Variants in PIGK observed in about 807,000 individuals in gnomAD.
The protein encoded by PIGK is phosphatidylinositol glycan anchor biosynthesis class K, also known as GPI-anchor transamidase.
In PIGK, 42 loss-of-function variants were observed where a neutral mutation model predicts 50.6. The observed-to-expected ratio is 0.83, with a 90% CI of 0.65 to 1.07. PIGK has a LOEUF of 1.07. PIGK is among the 50% of genes least tolerant of loss of function. PIGK has a pLI of 0.00. For synonymous variants in PIGK, 151 were observed against 156.0 expected, an observed-to-expected ratio of 0.97 and a Z score of 0.24; for missense variants, 448 against 488.7, an observed-to-expected ratio of 0.92 and a Z score of 0.78.
At chr1:77,095,864 A>G (rs911377692) in intron 10 of PIGK, among the ~76,000 whole-genome samples, 2 of 152,198 alleles carry the variant, frequency 1.3e-5, no homozygotes, top group Middle Eastern at 3.4e-3. Context: ...GAAGGCATTT[A>G]AACCTAAGTG....
At chr1:77,183,704 T>C (rs1655673039) in intron 3 of PIGK, among the ~76,000 whole-genome samples, 1 of 152,196 alleles carries the variant, frequency 6.6e-6, no homozygotes, top group Non-Finnish European at 1.5e-5. Flanking sequence ...CTGCATTTAA[T>C]GTTGCACCTC....
chr1:77,176,446 TATGTCTAAGTA>T (rs1208395973), intron 3 of PIGK, among the ~76,000 whole-genome samples: 1 of 152,194 alleles, frequency 6.6e-6, no homozygotes, highest in East Asian at 1.9e-4. Flanking sequence ...AAAATTCTAA[TATGTCTAAGTA>T]ATGCTATCAA....
intron 3 of PIGK, among the ~76,000 whole-genome samples, chr1:77,194,339 T>C (rs1655980188): frequency 6.6e-6 from 1 of 152,040 alleles, no homozygotes; most frequent in South Asian, 2.1e-4. Context: ...CAAAGGAATA[T>C]AAGTCATTCT....
intron 3 of PIGK, among the ~76,000 whole-genome samples, chr1:77,205,246 G>A (rs574117030): frequency 1.5e-4 from 23 of 152,012 alleles, no homozygotes; most frequent in South Asian, 6.2e-4. Context: ...CGCAAGAGCC[G>A]TTAAAGACCA....
At chr1:77,189,090 T>C (rs183076294) in intron 3 of PIGK, among the ~76,000 whole-genome samples, 61 of 152,378 alleles carry the variant, frequency 4.0e-4, no homozygotes, top group African/African-American at 1.5e-3. Flanking sequence ...TCCTTTTTCC[T>C]TTATCATATG....
intron 9 of PIGK, 35 bp downstream of exon 9, chr1:77,154,414 A>T: frequency 6.8e-7 from 1 of 1,467,792 alleles, no homozygotes. Context: ...CTGTGAGACT[A>T]GTATTCTATT....
intron 9 of PIGK, among the ~76,000 whole-genome samples, chr1:77,128,560 C>T (rs190018779): frequency 6.6e-4 from 100 of 152,254 alleles, no homozygotes; most frequent in African/African-American, 2.3e-3. Flanking sequence ...TTCACACAAC[C>T]AGCTAACCTG....
At chr1:77,154,305 T>C in intron 9 of PIGK, 144 bp downstream of exon 9, 1 of 607,888 alleles carries the variant, frequency 1.6e-6, no homozygotes, top group East Asian at 2.8e-5. Flanking sequence ...CTGAAAAGCA[T>C]ACAGCCTACA....
rs1317058220 is a variant in PIGK at position 77,089,950 on chromosome 1, G to C, written c.*2424C>G. On this transcript the variant is annotated 3_prime_UTR_variant, in exon 11 of 11. Coordinates refer to ENST00000370812, the MANE Select transcript of PIGK (RefSeq NM_005482.3). ...CCTTTTCTCTCTGAAGGACACCATG[G>C]GGGAGGAGAAAAAGAACAGCAAAGA... is the stretch of plus-strand genomic sequence containing the variant. The C allele has an allele frequency of 6.6e-6, 1 of 152,172 alleles. No homozygotes were observed. Among genetic ancestry groups the C allele is most frequent in the Admixed American group, 6.5e-5 (1 of 15,278 alleles). The allele number at this position is 152,172 out of a possible 1,614,324, so 9.4% of individuals were successfully genotyped here. A position where few individuals can be genotyped will look rare whatever the true frequency, so the allele number is the denominator to read the frequency against.
intron 10 of PIGK, among the ~76,000 whole-genome samples, chr1:77,121,943 T>C (rs889736859): frequency 3.3e-5 from 5 of 152,242 alleles, no homozygotes; most frequent in Non-Finnish European, 7.3e-5. Flanking sequence ...TTTTTGCAGC[T>C]CTTTTTCCTT....
chr1:77,101,475 TA>T (rs1224475138), intron 10 of PIGK, among the ~76,000 whole-genome samples: 4 of 152,230 alleles, frequency 2.6e-5, no homozygotes, highest in African/African-American at 4.8e-5. Flanking sequence ...TTGTGATACC[TA>T]TTTTTGAACC....
intron 1 of PIGK, among the ~76,000 whole-genome samples, chr1:77,213,220 A>G (rs1047341802): frequency 6.6e-6 from 1 of 152,158 alleles, no homozygotes; most frequent in African/African-American, 2.4e-5. Flanking sequence ...GAACTAACAG[A>G]CATTTACAGG....
At chr1:77,168,176 T>C (rs901913773) in intron 4 of PIGK, among the ~76,000 whole-genome samples, 4 of 152,180 alleles carry the variant, frequency 2.6e-5, no homozygotes, top group African/African-American at 9.6e-5. Context: ...TCTATCCCTC[T>C]GGGATTCTTT....
chr1:77,214,734 T>C (rs1438463881), intron 1 of PIGK, among the ~76,000 whole-genome samples: 2 of 152,116 alleles, frequency 1.3e-5, no homozygotes, highest in Admixed American at 6.6e-5. Context: ...AACAACATGA[T>C]CTTATATTTA....
chr1:77,194,828 A>C, intron 3 of PIGK: 1 of 374,080 alleles, frequency 2.7e-6, no homozygotes, highest in Non-Finnish European at 5.1e-6. Context: ...CTCAGTGACC[A>C]GGTCATCAAG....
At chr1:77,133,412 G>C (rs1654424986) in intron 9 of PIGK, among the ~76,000 whole-genome samples, 1 of 151,924 alleles carries the variant, frequency 6.6e-6, no homozygotes, top group Admixed American at 6.6e-5. Flanking sequence ...CTATTTTCTT[G>C]AACATCTTAA....
Position 77,160,749 on chromosome 1 carries a change from G to GA in PIGK, c.813+545dup, listed in dbSNP as rs553117353. Among the ~76,000 whole-genome samples the GA allele has an allele frequency of 4.6e-5, 7 of 152,118 alleles. No homozygotes were observed. In the East Asian group the frequency reaches 1.3e-3, roughly 29 times the overall value. ...AAAGAATCAGCACAAAAAAATTCAG[G>GA]AAAAAAATCTAAATTAAATTCAACA... is the stretch of plus-strand genomic sequence containing the variant. On this transcript the variant is annotated intron_variant, in intron 8 of 10. Transcript: ENST00000370812.
At chr1:77,188,537 CGGTCCTGT>C (rs369800925) in intron 3 of PIGK, among the ~76,000 whole-genome samples, 1 of 152,126 alleles carries the variant, frequency 6.6e-6, no homozygotes, top group African/African-American at 2.4e-5. Context: ...AATTTCACCT[CGGTCCTGT>C]GGTCCTGTGG....
chr1:77,201,865 T>C (rs1310226557), intron 3 of PIGK, among the ~76,000 whole-genome samples: 1 of 152,064 alleles, frequency 6.6e-6, no homozygotes, highest in Admixed American at 6.5e-5. Flanking sequence ...AAGAACAGCC[T>C]GGGCACCATT....
Sources: gnomAD v4.1 joint callset for allele counts (sites outside exome capture counted in the v4.1 genomes callset) on GRCh38, gnomAD v4.1.1 for gene constraint, MANE v1.5 for transcripts, NCBI Gene and HGNC (gene_info 2026-07-23, HGNC 2026-07-21) for gene names.